Variants in MIA2 observed in about 807,000 individuals in gnomAD.
MIA2 encodes melanoma inhibitory activity protein 2.
MIA2 carries 127 observed loss-of-function variants against 167.8 expected under a neutral mutation model. That is an observed-to-expected ratio of 0.76 (90% CI 0.66 to 0.88). The LOEUF is 0.88. Among genes scored for constraint, MIA2 ranks in the 40% least tolerant of loss-of-function variants. MIA2 has a pLI of 0.00. For missense variants in MIA2, 1,690 were observed against 1,624.7 expected (o/e 1.04, Z -0.69); for synonymous variants, 552 against 541.9 (o/e 1.02, Z -0.26).
At chr14:39,328,120 T>C (rs141810789) in intron 25 of MIA2, among the ~76,000 whole-genome samples, 183 of 152,324 alleles carry the variant, frequency 1.2e-3, no homozygotes, top group African/African-American at 4.0e-3. Flanking sequence ...TCACATCCTC[T>C]GCAGCATCTG....
At chr14:39,362,835 A>C (rs905873912) in intron 23 of MIA2, among the ~76,000 whole-genome samples, 1 of 151,936 alleles carries the variant, frequency 6.6e-6, no homozygotes. Flanking sequence ...CCCTCTCAGC[A>C]CTGCTTTTGT....
intron 25 of MIA2, among the ~76,000 whole-genome samples, chr14:39,340,317 G>A (rs2071505920): frequency 1.3e-5 from 2 of 152,194 alleles, no homozygotes; most frequent in Admixed American, 1.3e-4. Context: ...GTAATCATGA[G>A]TTAAGTGTGG....
chr14:39,298,542 T>TTTTTTTTTG (rs780707174), intron 13 of MIA2, among the ~76,000 whole-genome samples: 53,426 of 96,232 alleles, frequency 0.56, 16,584 homozygotes, highest in South Asian at 0.6. Context: ...TTTTTTTTTT[T>TTTTTTTTTG]TTTTTTTTTT....
In MIA2 at chr14:39,357,165, C is replaced by T. The variant is rs147498818; in HGVS notation, c.2248+8188C>T. Among the ~76,000 whole-genome samples the T allele has an allele frequency of 2.4e-3, 361 of 152,134 alleles. 1 individual carries two copies. The highest frequency in any genetic ancestry group is 8.0e-3 in the African/African-American group (330 of 41,498). ...TTGACAATGGGGTGTTAAAGTCTCCCGTTATTATTTTGTGGGAGTCTTAGT... is the reference window on the plus strand; with the variant it reads ...TTGACAATGGGGTGTTAAAGTCTCCTGTTATTATTTTGTGGGAGTCTTAGT... On this transcript the variant is annotated intron_variant, in intron 23 of 23. Transcript: ENST00000341502.
chr14:39,275,055 A>T (rs1157105443), intron 6 of MIA2, among the ~76,000 whole-genome samples: 1 of 147,512 alleles, frequency 6.8e-6, no homozygotes. Context: ...AGCCTCGGCA[A>T]CAGAGTGAGA....
Position 39,348,763 on chromosome 14 carries a change from A to G in MIA2, c.3858A>G (p.Ser1286=). ...DDLGNLNVPD[S]SLPAENEATG... ...TGTAGAATTTAAATGTGCCTGATTC[A>G]TCTCTCCCTGCTGAAAATGAAGCCA... Residue 1286 remains serine (S), a synonymous_variant, in exon 28 of 29, where the codon TCA becomes TCG. Transcript: ENST00000640607. 1.2e-6 allele frequency: 2 copies of G among 1,613,920 alleles called. No individual in the cohort carries two copies. The highest frequency in any genetic ancestry group is 1.7e-6 in the Non-Finnish European group (2 of 1,179,836).
chr14:39,288,489 T>TG (rs2060252429), intron 9 of MIA2, among the ~76,000 whole-genome samples: 1 of 106,328 alleles, frequency 9.4e-6, no homozygotes, highest in African/African-American at 3.4e-5. Flanking sequence ...TTTTTTTTTT[T>TG]TTTGAGACGG....
At chr14:39,333,412 C>T (rs1595741476) in intron 25 of MIA2, among the ~76,000 whole-genome samples, 1 of 152,298 alleles carries the variant, frequency 6.6e-6, no homozygotes, top group Non-Finnish European at 1.5e-5. Flanking sequence ...ATTTGCCATA[C>T]ACATGTGTTG....
At chr14:39,263,318 T>C (rs1374197000) in intron 6 of MIA2, among the ~76,000 whole-genome samples, 1 of 152,194 alleles carries the variant, frequency 6.6e-6, no homozygotes, top group Non-Finnish European at 1.5e-5. Flanking sequence ...TGGATTACAT[T>C]TATTGATTTG....
chr14:39,264,094 ACCTGCTCC>A (rs1282867888), intron 6 of MIA2, among the ~76,000 whole-genome samples: 1 of 152,082 alleles, frequency 6.6e-6, no homozygotes, highest in African/African-American at 2.4e-5. Context: ...TCAGTCCTTG[ACCTGCTCC>A]CTTCCTCATT....
chr14:39,317,450 G>A (rs1000078052), intron 21 of MIA2, among the ~76,000 whole-genome samples: 3 of 152,116 alleles, frequency 2.0e-5, no homozygotes, highest in Non-Finnish European at 4.4e-5. Context: ...CACCCAATCA[G>A]ATAGAACCCA....
intron 19 of MIA2, 56 bp downstream of exon 19, chr14:39,313,497 C>A (rs2064739248): frequency 4.3e-6 from 4 of 937,960 alleles, no homozygotes; most frequent in Non-Finnish European, 3.2e-6. Context: ...ATCTAAAAAA[C>A]TTAATGCCAG....
intron 6 of MIA2, chr14:39,267,651 T>G: frequency 9.0e-7 from 1 of 1,108,658 alleles, no homozygotes; most frequent in Non-Finnish European, 1.3e-6. Flanking sequence ...CCTCGTCTGC[T>G]GCCCGGCTCC....
intron 6 of MIA2, chr14:39,267,289 C>T (rs2055964339): frequency 1.4e-6 from 2 of 1,458,036 alleles, no homozygotes; most frequent in Non-Finnish European, 9.0e-7. Context: ...CCTGTGAGGC[C>T]TGCGGGTGCC....
intron 4 of MIA2, 131 bp downstream of exon 4, chr14:39,248,272 A>G (rs2054399281): frequency 1.6e-6 from 1 of 641,860 alleles, no homozygotes; most frequent in African/African-American, 1.9e-5. Context: ...ATCAATTTCC[A>G]GTTTACTCTG....
At position 39,350,200 on chromosome 14, in the gene MIA2, C is replaced by G; in HGVS notation, c.4175C>G (p.Ser1392Ter). The part of the protein sequence containing the change: ...PHSEGRSEFP[S>*]GLIPPSNEPA... The stretch of plus-strand genomic sequence containing the variant: ...TCTGAAGGTAGAAGTGAGTTCCCCT[C>G]AGGTTTGATTCCACCTTCAAATGAG... The change falls in exon 29 of 29, where the codon TCA becomes TGA. Residue 1392 changes from serine to a stop codon, truncating the protein, a stop_gained. Transcript: ENST00000640607. LOFTEE classifies it high-confidence loss of function. 1 of 1,512,294 alleles carries G rather than the reference C, an allele frequency of 6.6e-7. No homozygotes were observed. Among genetic ancestry groups the G allele is most frequent in the Non-Finnish European group, 8.9e-7 (1 of 1,119,658 alleles). 93.7% of individuals were successfully genotyped at this position (1,512,294 alleles called of 1,614,324 possible). A position where few individuals can be genotyped will look rare whatever the true frequency, so the allele number is the denominator to read the frequency against.
At chr14:39,319,899 T>C (rs2066117841) in intron 23 of MIA2, among the ~76,000 whole-genome samples, 1 of 152,124 alleles carries the variant, frequency 6.6e-6, no homozygotes, top group African/African-American at 2.4e-5. Context: ...ATAATTTTGG[T>C]TGAATTGGAA....
chr14:39,358,030 C>T (rs1365472692), intron 23 of MIA2, among the ~76,000 whole-genome samples: 1 of 152,126 alleles, frequency 6.6e-6, no homozygotes, highest in African/African-American at 2.4e-5. Context: ...AATTATGTGT[C>T]TTGGAGTTGC....
At chr14:39,296,279 C>T (rs530353128) in intron 13 of MIA2, among the ~76,000 whole-genome samples, 18 of 151,904 alleles carry the variant, frequency 1.2e-4, no homozygotes, top group Non-Finnish European at 2.1e-4. Context: ...TGTCTTGTTT[C>T]TCATACTTGT....
Sources: gnomAD v4.1 joint callset for allele counts (sites outside exome capture counted in the v4.1 genomes callset) on GRCh38, gnomAD v4.1.1 for gene constraint, MANE v1.5 for transcripts, NCBI Gene and HGNC (gene_info 2026-07-23, HGNC 2026-07-21) for gene names.